NT5C2: variants seen among roughly 807,000 people sequenced by gnomAD.
NT5C2 encodes the protein cytosolic purine 5'-nucleotidase.
In NT5C2, 58 loss-of-function variants were observed where a neutral mutation model predicts 76.1. The observed-to-expected ratio is 0.76, with a 90% CI of 0.62 to 0.95. The LOEUF (loss-of-function observed/expected upper bound fraction) is 0.95, where lower values mean the gene tolerates loss of function less well. Among genes scored for constraint, NT5C2 ranks in the 40% least tolerant of loss-of-function variants. The pLI is 0.00. For synonymous variants in NT5C2, 229 were observed against 237.4 expected, an observed-to-expected ratio of 0.96 and a Z score of 0.32; for missense variants, 478 against 690.3, an observed-to-expected ratio of 0.69 and a Z score of 3.45.
chr10:103,161,067 T>TA (rs2084741848), intron 3 of NT5C2, among the ~76,000 whole-genome samples: 1 of 152,156 alleles, frequency 6.6e-6, no homozygotes, highest in Non-Finnish European at 1.5e-5. Flanking sequence ...CATACACTGC[T>TA]AGAGGGAATG....
At position 103,106,717 on chromosome 10, in the gene NT5C2, A is replaced by C. The variant is rs373347265; in HGVS notation, c.176-11T>G. The stretch of plus-strand genomic sequence containing the variant: ...CTGGGGACTTGTACACTGCACAAAG[A>C]GGAGGTTTTCATTAGTTAGCAGAAA... On this transcript the variant is annotated splice_polypyrimidine_tract_variant and intron_variant, in intron 4 of 18. Transcript: ENST00000404739. 2.0e-6 allele frequency: 3 copies of C among 1,496,722 alleles called. No homozygotes were observed. The highest frequency in any genetic ancestry group is 2.8e-5 in the African/African-American group (2 of 72,520). 92.7% of individuals were successfully genotyped at this position (1,496,722 alleles called of 1,614,324 possible). A position where few individuals can be genotyped will look rare whatever the true frequency, so the allele number is the denominator to read the frequency against.
At chr10:103,170,243 G>A (rs1357735317) in intron 3 of NT5C2, among the ~76,000 whole-genome samples, 1 of 152,156 alleles carries the variant, frequency 6.6e-6, no homozygotes, top group Admixed American at 6.6e-5. Flanking sequence ...CCAGAAGTTT[G>A]AGGTTACCGT....
At chr10:103,156,475 C>T (rs954296802) in intron 3 of NT5C2, among the ~76,000 whole-genome samples, 1 of 152,224 alleles carries the variant, frequency 6.6e-6, no homozygotes, top group African/African-American at 2.4e-5. Flanking sequence ...TTTCAAGGGG[C>T]CACGTGCCGT....
intron 2 of NT5C2, among the ~76,000 whole-genome samples, chr10:103,178,604 G>A (rs368763374): frequency 6.6e-6 from 1 of 152,128 alleles, no homozygotes; most frequent in East Asian, 1.9e-4. Flanking sequence ...AGGCTAAGGA[G>A]GGTGGATCAC....
chr10:103,123,754 T>C (rs2076149841), intron 4 of NT5C2, among the ~76,000 whole-genome samples: 1 of 151,934 alleles, frequency 6.6e-6, no homozygotes, highest in African/African-American at 2.4e-5. Flanking sequence ...GAATCTAAAG[T>C]GCTGGAGCTG....
intron 14 of NT5C2, 36 bp downstream of exon 14, chr10:103,093,936 G>A (rs2037571856): frequency 2.0e-6 from 3 of 1,504,372 alleles, no homozygotes; most frequent in Non-Finnish European, 2.8e-6. Context: ...TGAGGTCTGA[G>A]CAAAGACATT....
intron 2 of NT5C2, among the ~76,000 whole-genome samples, chr10:103,178,317 G>C (rs1360624948): frequency 1.3e-5 from 2 of 152,202 alleles, no homozygotes; most frequent in Admixed American, 6.5e-5. Flanking sequence ...GGAGGCCAAA[G>C]TGGGTGGATC....
At chr10:103,166,340 A>G (rs1038409559) in intron 3 of NT5C2, among the ~76,000 whole-genome samples, 12 of 152,190 alleles carry the variant, frequency 7.9e-5, no homozygotes, top group African/African-American at 2.4e-4. Context: ...ATCAATCTCA[A>G]TAATTTTGTA....
intron 12 of NT5C2, 104 bp from the exon 13 acceptor site, chr10:103,094,559 C>T: frequency 4.4e-6 from 3 of 677,008 alleles, no homozygotes; most frequent in Admixed American, 2.4e-5. Context: ...CTAAGTATAG[C>T]CAGAAGATCC....
chr10:103,153,512 T>C lies in NT5C2; in HGVS notation c.102-14033A>G, dbSNP rs530645057. 4.1e-6 allele frequency: 4 copies of C among 985,192 alleles called. No individual in the cohort carries two copies. In the South Asian group the frequency reaches 1.9e-4, roughly 46 times the overall value. 61.0% of individuals were successfully genotyped at this position (985,192 alleles called of 1,614,324 possible). A position where few individuals can be genotyped will look rare whatever the true frequency, so the allele number is the denominator to read the frequency against. On this transcript the variant is annotated intron_variant, in intron 3 of 18. Transcript: ENST00000404739. ...TAAATACTTGAAAACTTAAGAATAA[T>C]TTTTTTAAAAATTTCAAGACTAGGA...
intron 1 of NT5C2, among the ~76,000 whole-genome samples, chr10:103,189,273 T>TATAA (rs1316801239): frequency 6.6e-6 from 1 of 152,162 alleles, no homozygotes; most frequent in Non-Finnish European, 1.5e-5. Context: ...TAATGATCAT[T>TATAA]TGATATGTCT....
At chr10:103,165,832 T>C (rs1331273212) in intron 3 of NT5C2, among the ~76,000 whole-genome samples, 1 of 152,160 alleles carries the variant, frequency 6.6e-6, no homozygotes, top group African/African-American at 2.4e-5. Flanking sequence ...CCACCACGCC[T>C]GGCTAATTTG....
chr10:103,139,007 CA>C (rs55748615), intron 4 of NT5C2, among the ~76,000 whole-genome samples: 47 of 125,162 alleles, frequency 3.8e-4, no homozygotes, highest in South Asian at 1.3e-3. Context: ...AACTCCGTCT[CA>C]AAAAAAAAAA....
At chr10:103,103,839 A>G (rs2070449549) in intron 6 of NT5C2, among the ~76,000 whole-genome samples, 1 of 151,994 alleles carries the variant, frequency 6.6e-6, no homozygotes, top group Non-Finnish European at 1.5e-5. Flanking sequence ...TTTCATGGGA[A>G]TTTTAATTTT....
intron 3 of NT5C2, among the ~76,000 whole-genome samples, chr10:103,165,291 CA>C (rs1322168406): frequency 6.6e-6 from 1 of 152,054 alleles, no homozygotes; most frequent in Non-Finnish European, 1.5e-5. Context: ...GTCAGGAGTT[CA>C]AGGCCAGACT....
intron 2 of NT5C2, among the ~76,000 whole-genome samples, chr10:103,176,346 AC>A (rs1226288079): frequency 9.9e-5 from 15 of 151,402 alleles, no homozygotes; most frequent in Admixed American, 8.6e-4. Flanking sequence ...CCTTGGCCCT[AC>A]CTCCCTCCCT....
Position 103,093,220 on chromosome 10 carries a change from A to AT in NT5C2, c.1077dup (p.Ser360IlefsTer15). ...GTTCGCCACCCTTGCCGTTTCTTTG[A>AT]TTTTAAAATGTCCCCAAAAATGTGA... On this transcript the variant is annotated frameshift_variant, in exon 15 of 19. Transcript: ENST00000404739. LOFTEE classifies it high-confidence loss of function. 1 of 1,612,318 alleles carries AT rather than the reference A, an allele frequency of 6.2e-7. No individual in the cohort carries two copies. The highest frequency in any genetic ancestry group is 1.7e-5 in the Admixed American group (1 of 59,800).
chr10:103,133,320 T>G (rs1351556691), intron 4 of NT5C2, among the ~76,000 whole-genome samples: 2 of 151,974 alleles, frequency 1.3e-5, no homozygotes. Context: ...CAGGCCGGAG[T>G]GCAGTGGCAC....
At chr10:103,180,034 AG>A (rs1168618168) in intron 2 of NT5C2, among the ~76,000 whole-genome samples, 1 of 152,238 alleles carries the variant, frequency 6.6e-6, no homozygotes, top group Non-Finnish European at 1.5e-5. Flanking sequence ...TCCAGAATAT[AG>A]GAAGAGCTCT....
Sources: allele counts gnomAD v4.1 joint callset (sites outside exome capture counted in the v4.1 genomes callset), GRCh38; gene constraint gnomAD v4.1.1; transcripts MANE v1.5; gene names NCBI Gene and HGNC (gene_info 2026-07-23, HGNC 2026-07-21).